Variants in IFFO1 observed in about 807,000 individuals in gnomAD.
IFFO1 encodes the protein intermediate filament family orphan 1.
Under a neutral mutation model 59.6 loss-of-function variants are expected in IFFO1, and 42 were observed. That is an observed-to-expected ratio of 0.70 (90% confidence interval 0.55 to 0.91). The LOEUF is 0.91. Among genes scored for constraint, IFFO1 ranks in the 40% least tolerant of loss-of-function variants. IFFO1 has a pLI of 0.00. For synonymous variants in IFFO1, 336 were observed against 342.8 expected (o/e 0.98, Z 0.22); for missense variants, 711 against 793.2 (o/e 0.90, Z 1.24).
In IFFO1 at chr12:6,551,030, C is replaced by T. The variant is rs746487859; in HGVS notation, c.774-29G>A. 27 of 1,611,720 alleles carry T rather than the reference C, an allele frequency of 1.7e-5. No individual in the cohort carries two copies. In the East Asian group the frequency reaches 5.3e-4, roughly 32 times the overall value. On this transcript the variant is annotated intron_variant, in intron 1 of 9. Coordinates refer to ENST00000619571, the MANE Select transcript of IFFO1 (RefSeq NM_001193457.2). ...ACAGACATGGGAAGGGCGGAGAGAG[C>T]TTAGGTACAGAGTCCTTCCCTGCCC...
intron 1 of IFFO1, among the ~76,000 whole-genome samples, chr12:6,552,120 G>A (rs992597124): frequency 2.6e-5 from 4 of 152,170 alleles, no homozygotes; most frequent in Admixed American, 2.0e-4. Flanking sequence ...GGTTAGGAAG[G>A]GGCCAAGAAG....
intron 8 of IFFO1, among the ~76,000 whole-genome samples, chr12:6,542,701 G>A (rs1300369185): frequency 2.6e-5 from 4 of 152,330 alleles, no homozygotes; most frequent in African/African-American, 4.8e-5. Context: ...GGCAGGCTTG[G>A]ATCCACAGCT....
chr12:6,544,089 G>A (rs1170959485), intron 8 of IFFO1, among the ~76,000 whole-genome samples: 1 of 152,028 alleles, frequency 6.6e-6, no homozygotes, highest in East Asian at 1.9e-4. Flanking sequence ...ACCAGTCCCT[G>A]GTACCAAAAA....
intron 1 of IFFO1, chr12:6,551,873 C>T (rs1947255226): frequency 4.6e-6 from 1 of 219,546 alleles, no homozygotes; most frequent in East Asian, 1.3e-4. Context: ...GGGCATGCTT[C>T]CCAGAGCCAG....
intron 1 of IFFO1, chr12:6,551,262 G>A (rs1225976334): frequency 1.6e-6 from 1 of 613,130 alleles, no homozygotes; most frequent in East Asian, 3.5e-5. Flanking sequence ...AGCTCTGTTT[G>A]GGCAAGTGCT....
At chr12:6,552,630 G>A (rs576017271) in intron 1 of IFFO1, among the ~76,000 whole-genome samples, 1 of 152,332 alleles carries the variant, frequency 6.6e-6, no homozygotes, top group South Asian at 2.1e-4. Flanking sequence ...TCAAGGGCAC[G>A]CTAACCCTGG....
At chr12:6,553,745 C>G (rs911902061) in intron 1 of IFFO1, among the ~76,000 whole-genome samples, 2 of 152,192 alleles carry the variant, frequency 1.3e-5, no homozygotes, top group Admixed American at 1.3e-4. Context: ...GCACTCCAGC[C>G]CGGATGACAG....
intron 1 of IFFO1, among the ~76,000 whole-genome samples, chr12:6,554,778 A>C (rs1346165266): frequency 6.6e-6 from 1 of 152,182 alleles, no homozygotes; most frequent in African/African-American, 2.4e-5. Context: ...TTCCATCAAT[A>C]TTCTTTGGGA....
chr12:6,547,485 G>A (rs532202604), intron 8 of IFFO1, among the ~76,000 whole-genome samples: 72 of 152,282 alleles, frequency 4.7e-4, no homozygotes, highest in Admixed American at 1.2e-3. Flanking sequence ...GGAGGCCGAG[G>A]CAGGAGGATC....
intron 3 of IFFO1, 141 bp downstream of exon 3, chr12:6,550,554 G>A: frequency 1.6e-6 from 1 of 629,228 alleles, no homozygotes; most frequent in Non-Finnish European, 2.8e-6. Context: ...AGTTAGGGGT[G>A]GCTAGGGGAA....
At chr12:6,542,370 G>A (rs1001995417) in intron 8 of IFFO1, among the ~76,000 whole-genome samples, 1 of 152,204 alleles carries the variant, frequency 6.6e-6, no homozygotes, top group Non-Finnish European at 1.5e-5. Flanking sequence ...CACACTCTGA[G>A]GCAGGCGGAG....
chr12:6,553,202 C>A (rs963412732), intron 1 of IFFO1, among the ~76,000 whole-genome samples: 1 of 152,144 alleles, frequency 6.6e-6, no homozygotes, highest in Non-Finnish European at 1.5e-5. Flanking sequence ...GCCAGTATCA[C>A]GCACCATCCG....
intron 8 of IFFO1, among the ~76,000 whole-genome samples, chr12:6,542,853 G>A (rs1373575910): frequency 6.6e-6 from 1 of 152,206 alleles, no homozygotes; most frequent in East Asian, 1.9e-4. Flanking sequence ...AGGGAGCTGG[G>A]TTCTGGAACC....
chr12:6,540,645 G>A (rs116742211), intron 9 of IFFO1, 57 bp from the exon 10 acceptor site: 4 of 1,413,390 alleles, frequency 2.8e-6, no homozygotes, highest in Middle Eastern at 1.8e-4. Context: ...GAAGACGGAC[G>A]GCACTCCTCC....
rs144941255 is a variant in IFFO1 at position 6,548,743 on chromosome 12, C to T, written c.1187G>A (p.Arg396His). Residue 396 changes from arginine to histidine, a missense_variant, in exon 6 of 10, where the codon CGC (arginine) becomes CAC (histidine). Coordinates refer to ENST00000619571, the MANE Select transcript of IFFO1 (RefSeq NM_001193457.2). This position sits in a 1 kb window ranked among gnomAD's most constrained non-coding sequence, Gnocchi z 6.1. ...CTCCTCCTCATCCCCATCGGGCTGGCGGGGCCCCTCACTCTCCGACAGGGA... is the reference window on the plus strand; with the variant it reads ...CTCCTCCTCATCCCCATCGGGCTGGTGGGGCCCCTCACTCTCCGACAGGGA... ...DTSLSESEGPRQPDGDEEEST... is the reference protein window; with the variant it reads ...DTSLSESEGPHQPDGDEEEST... 3.2e-5 allele frequency: 51 copies of T among 1,614,072 alleles called. 1 individual carries two copies. In the African/African-American group the frequency reaches 4.1e-4, roughly 13 times the overall value.
intron 1 of IFFO1, among the ~76,000 whole-genome samples, chr12:6,554,412 A>G (rs1947353446): frequency 6.6e-6 from 1 of 152,194 alleles, no homozygotes; most frequent in Non-Finnish European, 1.5e-5. Context: ...CATCTAAGGA[A>G]TCCACTTGGT....
At chr12:6,540,828 C>T (rs2136086938) in intron 9 of IFFO1, among the ~76,000 whole-genome samples, 1 of 152,284 alleles carries the variant, frequency 6.6e-6, no homozygotes. Flanking sequence ...TGATGGCTCA[C>T]GCCTGTAATT....
Position 6,549,376 on chromosome 12 carries a change from T to A in IFFO1, c.1080+100A>T. 3.4e-6 allele frequency: 4 copies of A among 1,193,922 alleles called. No individual in the cohort carries two copies. The highest frequency in any genetic ancestry group is 4.9e-6 in the Non-Finnish European group (4 of 813,108). The allele number at this position is 1,193,922 out of a possible 1,614,324, so 74.0% of individuals were successfully genotyped here. A position where few individuals can be genotyped will look rare whatever the true frequency, so the allele number is the denominator to read the frequency against. On this transcript the variant is annotated intron_variant, in intron 5 of 9. Transcript: ENST00000619571. The surrounding 1 kb of genome is among the most constrained non-coding windows in gnomAD (Gnocchi z 5.0). ...AAGGGAAAGGGCAGAAAAAAATCCG[T>A]GCTCAAGAGCCCAGCGGGCCCAAAC...
intron 8 of IFFO1, among the ~76,000 whole-genome samples, chr12:6,546,530 C>T (rs1946972609): frequency 6.6e-6 from 1 of 152,222 alleles, no homozygotes; most frequent in African/African-American, 2.4e-5. Context: ...GTCGCCCAGG[C>T]TGGAGTGCAG....
Sources: gnomAD v4.1 joint callset for allele counts (sites outside exome capture counted in the v4.1 genomes callset) on GRCh38, gnomAD v4.1.1 for gene constraint, Gnocchi (gnomAD v3.1) non-coding constraint, MANE v1.5 for transcripts, NCBI Gene and HGNC (gene_info 2026-07-23, HGNC 2026-07-21) for gene names.